The following KIAA1328 variants were observed in gnomAD, a reference collection of about 807,000 sequenced individuals.
KIAA1328 encodes the protein protein hinderin.
In KIAA1328, 52 loss-of-function variants were observed where a neutral mutation model predicts 68.1. The ratio of observed to expected loss-of-function variants is 0.76; its 90% confidence interval spans 0.61 to 0.96. KIAA1328 has a LOEUF of 0.96. KIAA1328 is among the 40% of genes least tolerant of loss of function. The pLI is 0.00. For missense variants in KIAA1328, 641 were observed against 677.6 expected, an observed-to-expected ratio of 0.95 and a Z score of 0.60; for synonymous variants, 232 against 239.4, an observed-to-expected ratio of 0.97 and a Z score of 0.28.
At chr18:36,848,694 AAT>A (rs903361017) in intron 4 of KIAA1328, among the ~76,000 whole-genome samples, 2 of 151,154 alleles carry the variant, frequency 1.3e-5, no homozygotes, top group African/African-American at 4.8e-5. Context: ...TACATTTTTT[AAT>A]AGATGTTCTT....
intron 7 of KIAA1328, among the ~76,000 whole-genome samples, chr18:37,108,366 A>G (rs2151894405): frequency 6.7e-6 from 1 of 148,696 alleles, no homozygotes; most frequent in Middle Eastern, 3.5e-3. Flanking sequence ...GTGAACTACT[A>G]CTGGGGGAGG....
chr18:37,042,034 C>T (rs896051348), intron 6 of KIAA1328, among the ~76,000 whole-genome samples: 1 of 152,060 alleles, frequency 6.6e-6, no homozygotes, highest in African/African-American at 2.4e-5. Context: ...GCATGCACCA[C>T]CACACCTACC....
chr18:36,877,705 C>T (rs1477585149), intron 4 of KIAA1328, among the ~76,000 whole-genome samples: 13 of 132,040 alleles, frequency 9.8e-5, no homozygotes, highest in East Asian at 2.2e-4. Context: ...CTTGCTCTGT[C>T]GCCCAGGCTG....
At chr18:37,004,542 C>T (rs533726142) in intron 6 of KIAA1328, among the ~76,000 whole-genome samples, 1 of 151,968 alleles carries the variant, frequency 6.6e-6, no homozygotes, top group Admixed American at 6.6e-5. Context: ...GAACACAAAT[C>T]AAAACCACAA....
At chr18:37,088,691 A>G (rs1281369876) in intron 7 of KIAA1328, among the ~76,000 whole-genome samples, 1 of 152,086 alleles carries the variant, frequency 6.6e-6, no homozygotes, top group Non-Finnish European at 1.5e-5. Context: ...AATAAAATAT[A>G]CCTATAATCT....
At chr18:37,062,504 G>A (rs941382361) in intron 6 of KIAA1328, among the ~76,000 whole-genome samples, 1 of 150,712 alleles carries the variant, frequency 6.6e-6, no homozygotes, top group African/African-American at 2.4e-5. Context: ...CGCCCAGGCT[G>A]GAGTGCAGTG....
intron 6 of KIAA1328, among the ~76,000 whole-genome samples, chr18:36,977,807 A>G (rs537331511): frequency 6.6e-6 from 1 of 152,034 alleles, no homozygotes; most frequent in Non-Finnish European, 1.5e-5. Context: ...TTTATGAGAC[A>G]GAGTCTCACT....
chr18:36,934,917 G>C (rs550132413), intron 5 of KIAA1328, among the ~76,000 whole-genome samples: 2 of 152,214 alleles, frequency 1.3e-5, no homozygotes, highest in Admixed American at 6.5e-5. Context: ...TTACATATTG[G>C]TCCAAGTTAG....
intron 6 of KIAA1328, among the ~76,000 whole-genome samples, chr18:37,007,963 G>T (rs1461368038): frequency 2.6e-5 from 4 of 152,110 alleles, no homozygotes; most frequent in African/African-American, 7.2e-5. Flanking sequence ...TTATGGTTTT[G>T]CCTTCAGTTG....
intron 4 of KIAA1328, among the ~76,000 whole-genome samples, chr18:36,881,528 T>C (rs550303822): frequency 6.6e-6 from 1 of 152,314 alleles, no homozygotes; most frequent in East Asian, 1.9e-4. Flanking sequence ...TTCACAGTTG[T>C]GTACCCATCA....
chr18:37,071,397 T>G (rs192720201), intron 7 of KIAA1328, among the ~76,000 whole-genome samples: 236 of 152,206 alleles, frequency 1.6e-3, no homozygotes, highest in Middle Eastern at 6.8e-3. Context: ...TAATGTAAAG[T>G]GTATATGATT....
intron 4 of KIAA1328, among the ~76,000 whole-genome samples, chr18:36,862,155 G>A (rs1038537567): frequency 2.0e-5 from 3 of 152,216 alleles, no homozygotes; most frequent in Admixed American, 6.5e-5. Flanking sequence ...TTTGATTACA[G>A]TACAATATCA....
At chr18:37,097,020 A>G (rs1399966419) in intron 7 of KIAA1328, among the ~76,000 whole-genome samples, 3 of 152,130 alleles carry the variant, frequency 2.0e-5, no homozygotes, top group Admixed American at 1.3e-4. Context: ...CCCATTCTGT[A>G]GATTGCCTGT....
chr18:36,903,073 G>C (rs940765443), intron 5 of KIAA1328, among the ~76,000 whole-genome samples: 1 of 151,826 alleles, frequency 6.6e-6, no homozygotes, highest in African/African-American at 2.4e-5. Flanking sequence ...ATTTTAACCT[G>C]TGTTTTCCTG....
chr18:36,990,064 A>G (rs906945875), intron 6 of KIAA1328, among the ~76,000 whole-genome samples: 7 of 152,146 alleles, frequency 4.6e-5, no homozygotes, highest in Non-Finnish European at 1.0e-4. Flanking sequence ...TTCGGAAGGA[A>G]TTCAGAAATA....
chr18:37,200,785 T>C (rs961982513), intron 9 of KIAA1328, among the ~76,000 whole-genome samples: 3 of 141,978 alleles, frequency 2.1e-5, no homozygotes, highest in Non-Finnish European at 4.5e-5. Flanking sequence ...CAGTCCGCAG[T>C]CCGGCCTGGG....
At chr18:37,193,397 G>T (rs563202671) in intron 9 of KIAA1328, among the ~76,000 whole-genome samples, 6 of 152,114 alleles carry the variant, frequency 3.9e-5, no homozygotes, top group Non-Finnish European at 8.8e-5. Context: ...TAAACAAAGA[G>T]TATAGTCTCA....
At chr18:36,986,084 A>G (rs546297311) in intron 6 of KIAA1328, among the ~76,000 whole-genome samples, 2 of 152,298 alleles carry the variant, frequency 1.3e-5, no homozygotes, top group South Asian at 2.1e-4. Context: ...TACACCTACC[A>G]TATAATCCAA....
chr18:36,971,810 AT>A (rs2052226884), intron 6 of KIAA1328, among the ~76,000 whole-genome samples: 1 of 152,150 alleles, frequency 6.6e-6, no homozygotes, highest in Non-Finnish European at 1.5e-5. Flanking sequence ...AAATATAAGA[AT>A]ATATGGACCC....
Sources: gnomAD v4.1 joint callset for allele counts (sites outside exome capture counted in the v4.1 genomes callset) on GRCh38, gnomAD v4.1.1 for gene constraint, MANE v1.5 for transcripts, NCBI Gene and HGNC (gene_info 2026-07-23, HGNC 2026-07-21) for gene names.